The following RABGAP1 variants were observed in gnomAD, a reference collection of about 807,000 sequenced individuals.
The protein encoded by RABGAP1 is rab GTPase-activating protein 1.
A neutral mutation model predicts 137.6 loss-of-function variants in RABGAP1; 23 were observed. That is an observed-to-expected ratio of 0.17 (90% confidence interval 0.12 to 0.24). The LOEUF (loss-of-function observed/expected upper bound fraction) is 0.24. Among genes scored for constraint, RABGAP1 ranks in the 10% least tolerant of loss-of-function variants. The probability of loss-of-function intolerance (pLI) is 1.00; values close to 1 mark genes in which losing one functional copy is unlikely to be tolerated. For synonymous variants in RABGAP1, 451 were observed against 450.7 expected, an observed-to-expected ratio of 1.00 and a Z score of -0.01; for missense variants, 906 against 1,275.8, an observed-to-expected ratio of 0.71 and a Z score of 4.42.
chr9:123,057,324 T>A (rs1021467330), intron 13 of RABGAP1, among the ~76,000 whole-genome samples: 1 of 143,154 alleles, frequency 7.0e-6, no homozygotes, highest in Non-Finnish European at 1.5e-5. Flanking sequence ...GAGGGTCTCC[T>A]CACTTCTCAG....
Position 123,100,439 on chromosome 9 carries a change from T to TGTGTGTG in RABGAP1, c.2889+890_2889+891insGTGTGTG, listed in dbSNP as rs2035311757. On this transcript the variant is annotated intron_variant, in intron 24 of 25. Transcript: ENST00000373647. Reference sequence around the variant, plus strand: ...TGTGTGTGTGTGTGTGTGTGTGTGTTTGAGACAGAGTCTTGCTCTGTCATC... The same window carrying TGTGTGTG: ...TGTGTGTGTGTGTGTGTGTGTGTGTTGTGTGTGTGAGACAGAGTCTTGCTCTGTCATC... Among the ~76,000 whole-genome samples, 7 of 122,018 alleles carry TGTGTGTG rather than the reference T, an allele frequency of 5.7e-5. No individual in the cohort carries two copies. In the East Asian group the frequency reaches 8.9e-4, roughly 15 times the overall value. The allele number at this position is 122,018 out of a possible 152,430, so 80.0% of individuals were successfully genotyped here.
intron 2 of RABGAP1, among the ~76,000 whole-genome samples, chr9:122,967,526 T>C: frequency 6.6e-6 from 1 of 152,202 alleles, no homozygotes; most frequent in Non-Finnish European, 1.5e-5. Flanking sequence ...AGGAACAGTT[T>C]CTAGAAATTA....
chr9:123,084,852 T>G (rs2034818789), intron 19 of RABGAP1, among the ~76,000 whole-genome samples: 1 of 152,194 alleles, frequency 6.6e-6, no homozygotes, highest in African/African-American at 2.4e-5. Context: ...AATAGAGGCT[T>G]AAGATTAGGC....
At chr9:122,932,121 A>G in the RABGAP1 span, among the ~76,000 whole-genome samples, 1 of 152,134 alleles carries the variant, frequency 6.6e-6, no homozygotes, top group Non-Finnish European at 1.5e-5. Context: ...TCTCAAGTTC[A>G]TCTCATCTCC....
chr9:122,941,186 C>T (rs997284733), intron 1 of RABGAP1, 93 bp downstream of exon 1: 2 of 152,354 alleles, frequency 1.3e-5, no homozygotes, highest in African/African-American at 2.4e-5. Flanking sequence ...GCCAAGCTGT[C>T]TTCTCATCCC....
intron 1 of RABGAP1, chr9:122,945,376 A>T (rs1171435296): frequency 1.3e-5 from 2 of 152,088 alleles, no homozygotes; most frequent in African/African-American, 4.8e-5. Context: ...ACATTAGTTT[A>T]TACAATGTGG....
In RABGAP1 at chr9:123,015,565, T is replaced by C; in HGVS notation, c.1572T>C (p.Ser524=). Residue 524 remains serine, a synonymous_variant, in exon 12 of 26, where the codon AGT becomes AGC. Coordinates refer to ENST00000373647, the MANE Select transcript of RABGAP1 (RefSeq NM_012197.4). ...TAGATAATGATGAACCTCTCCTGAG[T>C]GGATCTGGTGATGTATCCAAAGAAT... The part of the protein sequence containing the change: ...EEEDNDEPLL[S]GSGDVSKECA... 1 of 1,611,592 alleles carries C rather than the reference T, an allele frequency of 6.2e-7. No homozygotes were observed. Among genetic ancestry groups the C allele is most frequent in the Non-Finnish European group, 8.5e-7 (1 of 1,178,156 alleles).
intron 1 of RABGAP1, among the ~76,000 whole-genome samples, chr9:122,950,931 G>A (rs1463651249): frequency 6.6e-6 from 1 of 152,124 alleles, no homozygotes; most frequent in South Asian, 2.1e-4. Flanking sequence ...GGATGCAAAA[G>A]GATAAGAGTT....
intron 13 of RABGAP1, among the ~76,000 whole-genome samples, chr9:123,064,502 G>A (rs1034530617): frequency 2.0e-5 from 3 of 152,158 alleles, no homozygotes; most frequent in Admixed American, 6.5e-5. Flanking sequence ...TAAAACAGAG[G>A]TATCATGTTC....
intron 13 of RABGAP1, among the ~76,000 whole-genome samples, chr9:123,042,803 T>TA (rs1588320979): frequency 6.6e-6 from 1 of 152,318 alleles, no homozygotes; most frequent in East Asian, 1.9e-4. Context: ...TGCTGAAAGA[T>TA]ACGTGTTTTC....
At chr9:122,943,068 CTTTCTTT>C in intron 1 of RABGAP1, among the ~76,000 whole-genome samples, 1 of 111,268 alleles carries the variant, frequency 9.0e-6, no homozygotes, top group East Asian at 2.9e-4. Context: ...TTGTGGTGCA[CTTTCTTT>C]TTTTTTTTTT....
At chr9:123,015,745 A>G (rs906737002) in intron 12 of RABGAP1, 109 bp downstream of exon 12, 2 of 635,054 alleles carry the variant, frequency 3.1e-6, no homozygotes, top group East Asian at 2.9e-5. Flanking sequence ...CCTAAGCGCA[A>G]TGTTTGCATT....
At chr9:123,055,476 C>T (rs1209803479) in intron 13 of RABGAP1, among the ~76,000 whole-genome samples, 1 of 151,772 alleles carries the variant, frequency 6.6e-6, no homozygotes, top group Non-Finnish European at 1.5e-5. Flanking sequence ...ACGCAGTCCT[C>T]CTGCCTTGGC....
chr9:123,077,199 G>A (rs1224942929), intron 19 of RABGAP1, among the ~76,000 whole-genome samples: 1 of 149,104 alleles, frequency 6.7e-6, no homozygotes, highest in East Asian at 1.9e-4. Flanking sequence ...GACAAGGCTA[G>A]AGTGCAGTGG....
chr9:122,995,674 T>C (rs1836986224), intron 6 of RABGAP1, among the ~76,000 whole-genome samples: 1 of 150,330 alleles, frequency 6.7e-6, no homozygotes, highest in South Asian at 2.1e-4. Flanking sequence ...GTTCAAGCGA[T>C]TCTCCTGCCT....
intron 2 of RABGAP1, among the ~76,000 whole-genome samples, chr9:122,980,707 G>A (rs1422154744): frequency 1.3e-5 from 2 of 152,168 alleles, no homozygotes; most frequent in Non-Finnish European, 2.9e-5. Context: ...AAAATCATTT[G>A]CAATTAGTCG....
rs530936001 is a variant in RABGAP1 at position 122,996,411 on chromosome 9, A to G, written c.1035-128A>G. 5 of 1,126,880 alleles carry G rather than the reference A, an allele frequency of 4.4e-6. No individual in the cohort carries two copies. The African/African-American group carries it at 7.9e-5, about 18-fold the overall frequency. 69.8% of individuals were successfully genotyped at this position (1,126,880 alleles called of 1,614,324 possible). On this transcript the variant is annotated intron_variant, in intron 7 of 25. Transcript: ENST00000373647. Reference sequence around the variant, plus strand: ...AAGGAAGGATTATTATTTTAGCAACACAAATTTATTGATAACTCTAATGTG... The same window carrying G: ...AAGGAAGGATTATTATTTTAGCAACGCAAATTTATTGATAACTCTAATGTG...
At chr9:122,939,744 T>C (rs1833461247), upstream of RABGAP1, 1 of 152,234 alleles carries the variant, frequency 6.6e-6, no homozygotes, top group Admixed American at 6.5e-5. Context: ...TTGAAATGGA[T>C]ATTTTGTAAC....
intron 2 of RABGAP1, among the ~76,000 whole-genome samples, chr9:122,967,186 CAAG>C (rs1433828375): frequency 6.6e-6 from 1 of 152,138 alleles, no homozygotes; most frequent in East Asian, 1.9e-4. Flanking sequence ...TGAAAAGTAA[CAAG>C]ATGCAGGCCT....
Sources: allele counts gnomAD v4.1 joint callset (sites outside exome capture counted in the v4.1 genomes callset), GRCh38; gene constraint gnomAD v4.1.1; transcripts MANE v1.5; gene names NCBI Gene and HGNC (gene_info 2026-07-23, HGNC 2026-07-21).